The following KCNK9 variants were observed in gnomAD, a reference collection of about 807,000 sequenced individuals.
The protein encoded by KCNK9 is potassium two pore domain channel subfamily K member 9.
Under a neutral mutation model 10.8 loss-of-function variants are expected in KCNK9, and 1 was observed. The ratio of observed to expected loss-of-function variants is 0.09; its 90% CI spans 0.03 to 0.44. KCNK9 has a LOEUF of 0.44. Ranked by LOEUF, KCNK9 falls within the 20% of genes least tolerant of loss-of-function variation. KCNK9 has a pLI of 0.97. For synonymous variants in KCNK9, 231 were observed against 222.7 expected, an observed-to-expected ratio of 1.04 and a Z score of -0.33; for missense variants, 303 against 515.0, an observed-to-expected ratio of 0.59 and a Z score of 3.98.
intron 1 of KCNK9, among the ~76,000 whole-genome samples, chr8:139,659,177 G>C (rs563797242): frequency 6.6e-6 from 1 of 152,190 alleles, no homozygotes; most frequent in Non-Finnish European, 1.5e-5. Context: ...GCGTGGATAC[G>C]ACCCTGACTC....
intron 1 of KCNK9, among the ~76,000 whole-genome samples, chr8:139,647,682 AC>A (rs1051758008): frequency 6.6e-6 from 1 of 152,132 alleles, no homozygotes; most frequent in African/African-American, 2.4e-5. Flanking sequence ...GGTCACAGGG[AC>A]CCAGCCACAG....
At chr8:139,666,519 T>G (rs1270671057) in intron 1 of KCNK9, among the ~76,000 whole-genome samples, 1 of 152,164 alleles carries the variant, frequency 6.6e-6, no homozygotes, top group African/African-American at 2.4e-5. Flanking sequence ...GCAAAGAGGA[T>G]CCATCAGTCA....
chr8:139,610,144 C>G (rs1814374802), downstream of KCNK9, among the ~76,000 whole-genome samples: 1 of 152,204 alleles, frequency 6.6e-6, no homozygotes, highest in East Asian at 1.9e-4. Context: ...CTGATGGGAA[C>G]AGCTTTGCAC....
chr8:139,675,118 C>G (rs1051211930), intron 1 of KCNK9, among the ~76,000 whole-genome samples: 9 of 152,232 alleles, frequency 5.9e-5, no homozygotes, highest in African/African-American at 2.2e-4. Flanking sequence ...ATCCACCAAC[C>G]CCAAAAGGAG....
intron 1 of KCNK9, among the ~76,000 whole-genome samples, chr8:139,622,958 G>A (rs533342306): frequency 2.8e-4 from 42 of 152,256 alleles, no homozygotes; most frequent in African/African-American, 1.0e-3. Flanking sequence ...TAGACCAAGA[G>A]GCACATATAA....
At chr8:139,659,398 A>G (rs776147237) in intron 1 of KCNK9, among the ~76,000 whole-genome samples, 8 of 152,226 alleles carry the variant, frequency 5.3e-5, no homozygotes, top group Non-Finnish European at 1.0e-4. Context: ...CACATTGATT[A>G]AAAATAGAGA....
At chr8:139,616,918 T>A (rs1485971630), downstream of KCNK9, 1 of 151,690 alleles carries the variant, frequency 6.6e-6, no homozygotes, top group East Asian at 1.9e-4. Context: ...CCCCACCACC[T>A]CCCCCAAGAG....
At chr8:139,681,976 C>T (rs1816697106) in intron 1 of KCNK9, among the ~76,000 whole-genome samples, 1 of 152,184 alleles carries the variant, frequency 6.6e-6, no homozygotes, top group African/African-American at 2.4e-5. Flanking sequence ...TCCGGTGGCA[C>T]CACGGGAACC....
At chr8:139,695,924 G>T (rs1431655015) in intron 1 of KCNK9, among the ~76,000 whole-genome samples, 1 of 152,116 alleles carries the variant, frequency 6.6e-6, no homozygotes, top group Non-Finnish European at 1.5e-5. Flanking sequence ...CCAGCTCCCT[G>T]GGCCACTGTA....
At chr8:139,700,536 A>G (rs1242874541) in intron 1 of KCNK9, among the ~76,000 whole-genome samples, 1,624 of 118,896 alleles carry the variant, frequency 0.014, 24 homozygotes, top group African/African-American at 0.055. Context: ...ACACACACAC[A>G]CACGCGCGCA....
At chr8:139,677,076 C>T (rs1168573777) in intron 1 of KCNK9, among the ~76,000 whole-genome samples, 1 of 152,180 alleles carries the variant, frequency 6.6e-6, no homozygotes, top group Non-Finnish European at 1.5e-5. Context: ...CAGTAGGCTG[C>T]AGAATGCATG....
intron 1 of KCNK9, among the ~76,000 whole-genome samples, chr8:139,697,121 G>C (rs1230523149): frequency 6.6e-6 from 1 of 151,758 alleles, no homozygotes. Flanking sequence ...TGGGTAGGTG[G>C]ATGGATAAAT....
chr8:139,682,735 G>A (rs1412931941), intron 1 of KCNK9, among the ~76,000 whole-genome samples: 3 of 152,240 alleles, frequency 2.0e-5, no homozygotes, highest in African/African-American at 4.8e-5. Context: ...ATGCACATAA[G>A]CACAGGCCCT....
chr8:139,606,978 G>T (rs995626721), intron 2 of KCNK9, among the ~76,000 whole-genome samples: 2 of 151,952 alleles, frequency 1.3e-5, no homozygotes, highest in African/African-American at 4.8e-5. Context: ...ACATCCCCCC[G>T]CAACACACAC....
intron 2 of KCNK9, among the ~76,000 whole-genome samples, chr8:139,602,385 T>C (rs1200049554): frequency 5.3e-5 from 8 of 152,208 alleles, no homozygotes; most frequent in Non-Finnish European, 2.9e-5. Flanking sequence ...TTTAAGACAG[T>C]AAATACTGTT....
chr8:139,624,465 C>T (rs1362294417), intron 1 of KCNK9, among the ~76,000 whole-genome samples: 1 of 152,160 alleles, frequency 6.6e-6, no homozygotes, highest in Non-Finnish European at 1.5e-5. Context: ...CTTTCTCAGC[C>T]CGGCTGGCCC....
intron 1 of KCNK9, among the ~76,000 whole-genome samples, chr8:139,684,952 A>C (rs1369693297): frequency 1.3e-5 from 2 of 152,242 alleles, no homozygotes; most frequent in Non-Finnish European, 2.9e-5. Context: ...CATAAAAGTT[A>C]ATAAAATAAT....
chr8:139,703,108 C>T lies in KCNK9; in HGVS notation c.-116G>A, dbSNP rs1563758897. The T allele has an allele frequency of 2.3e-6, 2 of 884,306 alleles. No homozygotes were observed. The highest frequency in any genetic ancestry group is 3.0e-6 in the Non-Finnish European group (2 of 676,870). The allele number at this position is 884,306 out of a possible 1,614,324, so 54.8% of individuals were successfully genotyped here. ...TCCTCCTCCGCCGCCGCCGCCGCCG[C>T]CTCCAAGTTGTAAGCGGCGGCGGCA... On this transcript the variant is annotated 5_prime_UTR_variant, in exon 1 of 2. Coordinates refer to ENST00000520439, the MANE Select transcript of KCNK9 (RefSeq NM_001282534.2). This position sits in a 1 kb window ranked among gnomAD's most constrained non-coding sequence, Gnocchi z 6.4.
chr8:139,684,617 C>G (rs1397267993), intron 1 of KCNK9, among the ~76,000 whole-genome samples: 3 of 152,158 alleles, frequency 2.0e-5, no homozygotes, highest in Non-Finnish European at 2.9e-5. Flanking sequence ...TTTACATAGG[C>G]AAGCTTATCT....
Sources: gnomAD v4.1 joint callset for allele counts (sites outside exome capture counted in the v4.1 genomes callset) on GRCh38, gnomAD v4.1.1 for gene constraint, Gnocchi (gnomAD v3.1) non-coding constraint, MANE v1.5 for transcripts, NCBI Gene and HGNC (gene_info 2026-07-23, HGNC 2026-07-21) for gene names.